The following POLA1 variants were observed in gnomAD, a reference collection of about 807,000 sequenced individuals.
POLA1 encodes the protein DNA polymerase alpha 1, catalytic subunit.
In POLA1, 15 loss-of-function variants were observed where a neutral mutation model predicts 124.0. The observed-to-expected ratio is 0.12, with a 90% confidence interval of 0.08 to 0.19. POLA1 has a LOEUF of 0.19. POLA1 is among the 10% of genes least tolerant of loss of function. The pLI, the probability that POLA1 is intolerant of heterozygous loss-of-function variation, is 1.00. For synonymous variants in POLA1, 408 were observed against 389.4 expected (o/e 1.05, Z -0.56); for missense variants, 886 against 1,103.4 (o/e 0.80, Z 2.79).
chrX:24,697,493 T>A (rs1216929515), intron 1 of POLA1, among the ~76,000 whole-genome samples: 7 of 112,046 alleles, frequency 6.2e-5, no homozygotes, highest in Admixed American at 4.7e-4. Context: ...AATGTCTTTC[T>A]GAAAATGGAT....
At chrX:24,786,365 A>C (rs1317867018) in intron 26 of POLA1, among the ~76,000 whole-genome samples, 3 of 111,890 alleles carry the variant, frequency 2.7e-5, no homozygotes, top group Non-Finnish European at 3.8e-5. Flanking sequence ...ATGTGAGGTG[A>C]TATGTCATTG....
At chrX:24,953,975 C>T (rs1300022649) in intron 36 of POLA1, among the ~76,000 whole-genome samples, 1 of 111,774 alleles carries the variant, frequency 8.9e-6, no homozygotes, top group Non-Finnish European at 1.9e-5. Context: ...TCTAGTATGA[C>T]AGTGAGTACA....
intron 33 of POLA1, 36 bp from the exon 34 acceptor site, chrX:24,843,510 C>G: frequency 9.1e-7 from 1 of 1,103,736 alleles, no homozygotes. Context: ...TATAGCCTCA[C>G]AGTAATTTTT....
intron 35 of POLA1, among the ~76,000 whole-genome samples, chrX:24,914,746 TTTAA>T (rs1480845829): frequency 9.0e-6 from 1 of 111,661 alleles, no homozygotes; most frequent in Non-Finnish European, 1.9e-5. Flanking sequence ...CATCGATTTG[TTTAA>T]AGTTACCATT....
chrX:24,864,703 C>T (rs990230817), intron 34 of POLA1, among the ~76,000 whole-genome samples: 27 of 110,125 alleles, frequency 2.5e-4, no homozygotes, highest in African/African-American at 7.9e-4. Flanking sequence ...GGAAGCCTTT[C>T]GTGGACATCA....
intron 36 of POLA1, among the ~76,000 whole-genome samples, chrX:24,985,900 G>A (rs1244781873): frequency 8.9e-6 from 1 of 111,826 alleles, no homozygotes; most frequent in African/African-American, 3.3e-5. Context: ...AGCCAGGCGT[G>A]GTGGCTCATG....
chrX:24,724,368 A>T lies in POLA1; in HGVS notation c.1234A>T (p.Thr412Ser). Reference protein sequence around the residue: ...IDLNTGKETGTPISMKDVYEE... With the variant: ...IDLNTGKETGSPISMKDVYEE... Reference sequence around the variant, plus strand: ...TCTAAATACGGGGAAAGAAACAGGAACTCCAATTTCAATGAAGGATGTTTA... The same window carrying T: ...TCTAAATACGGGGAAAGAAACAGGATCTCCAATTTCAATGAAGGATGTTTA... The change falls in exon 12 of 37, where the codon ACT becomes TCT. Residue 412 changes from threonine to serine, a missense_variant. Transcript: ENST00000379068. The T allele has an allele frequency of 8.8e-7, 1 of 1,139,029 alleles. No individual in the cohort carries two copies. Among genetic ancestry groups the T allele is most frequent in the Non-Finnish European group, 1.2e-6 (1 of 834,522 alleles). 93.9% of individuals were successfully genotyped at this position (1,139,029 alleles called of 1,213,427 possible).
At chrX:24,899,142 C>A (rs1346156665) in intron 35 of POLA1, among the ~76,000 whole-genome samples, 2 of 111,975 alleles carry the variant, frequency 1.8e-5, no homozygotes, top group Non-Finnish European at 3.8e-5. Context: ...TACTAAGAAC[C>A]TTTTCTCCCA....
chrX:24,757,070 T>C (rs190903842), intron 26 of POLA1, among the ~76,000 whole-genome samples: 3 of 111,576 alleles, frequency 2.7e-5, no homozygotes, highest in Non-Finnish European at 5.6e-5. Flanking sequence ...TTGGCAGACA[T>C]ATTTTATGTT....
At chrX:24,821,334 TTC>T in intron 30 of POLA1, 116 bp from the exon 31 acceptor site, 1 of 494,825 alleles carries the variant, frequency 2.0e-6, no homozygotes, top group East Asian at 3.9e-5. Context: ...TACATACAGC[TTC>T]TGTCATTTTT....
intron 4 of POLA1, among the ~76,000 whole-genome samples, 176 bp from the exon 5 acceptor site, chrX:24,714,378 G>A (rs1008321246): frequency 5.4e-5 from 6 of 112,066 alleles, no homozygotes; most frequent in African/African-American, 1.9e-4. Flanking sequence ...GGATGGTCTC[G>A]ATCTCCTGAT....
chrX:24,741,873 T>TAAA, intron 21 of POLA1, 129 bp from the exon 22 acceptor site: 16 of 399,382 alleles, frequency 4.0e-5, no homozygotes, highest in African/African-American at 3.7e-4. Context: ...TTTTTTTTTT[T>TAAA]AAAAAAAAAG....
intron 26 of POLA1, among the ~76,000 whole-genome samples, chrX:24,759,896 T>C (rs1410118982): frequency 8.9e-6 from 1 of 112,393 alleles, no homozygotes; most frequent in African/African-American, 3.2e-5. Flanking sequence ...TTTTTCTCCA[T>C]ATGTGAAAAT....
chrX:24,923,133 A>G (rs1357454959), intron 35 of POLA1, among the ~76,000 whole-genome samples: 1 of 111,588 alleles, frequency 9.0e-6, no homozygotes, highest in African/African-American at 3.3e-5. Context: ...TCAGATGGAA[A>G]TTGCCATGTG....
In POLA1 at chrX:24,693,927, G is replaced by C. The variant is rs748400453; in HGVS notation, c.-35G>C. The C allele has an allele frequency of 8.5e-7, 1 of 1,175,785 alleles. No individual in the cohort carries two copies. The highest frequency in any genetic ancestry group is 3.2e-5 in the East Asian group (1 of 31,724). On this transcript the variant is annotated 5_prime_UTR_variant, in exon 1 of 37. Transcript: ENST00000379068. Reference sequence around the variant, plus strand: ...CTGTCTCGGCCCCCGCGCCAGTTTTGGGCTGGTTGGCGCGGAATCGGGAGA... The same window carrying C: ...CTGTCTCGGCCCCCGCGCCAGTTTTCGGCTGGTTGGCGCGGAATCGGGAGA...
chrX:24,907,097 A>G (rs758614080), intron 35 of POLA1, among the ~76,000 whole-genome samples: 1 of 111,529 alleles, frequency 9.0e-6, no homozygotes, highest in Non-Finnish European at 1.9e-5. Context: ...AGGCTGAGAC[A>G]CGAGAATCAT....
chrX:24,928,111 A>G (rs1283587918), intron 35 of POLA1, among the ~76,000 whole-genome samples: 2 of 112,181 alleles, frequency 1.8e-5, no homozygotes, highest in Non-Finnish European at 3.8e-5. Flanking sequence ...ACTAATTGCA[A>G]AATATGTCAG....
At chrX:24,773,808 G>C (rs1375843726) in intron 26 of POLA1, among the ~76,000 whole-genome samples, 2 of 111,876 alleles carry the variant, frequency 1.8e-5, no homozygotes, top group Non-Finnish European at 3.8e-5. Flanking sequence ...AATGAAATGT[G>C]ATGTGTAAGT....
intron 34 of POLA1, among the ~76,000 whole-genome samples, chrX:24,847,756 C>A (rs761220500): frequency 4.4e-4 from 49 of 112,063 alleles, no homozygotes; most frequent in African/African-American, 1.5e-3. Context: ...CTCAGAAGTA[C>A]GTGTATCTTG....
Sources: gnomAD v4.1 joint callset for allele counts (sites outside exome capture counted in the v4.1 genomes callset) on GRCh38, gnomAD v4.1.1 for gene constraint, MANE v1.5 for transcripts, NCBI Gene and HGNC (gene_info 2026-07-23, HGNC 2026-07-21) for gene names.